Variants in AP3B1 observed in about 807,000 individuals in gnomAD.
AP3B1 encodes the protein adaptor related protein complex 3 subunit beta 1.
In AP3B1, 61 loss-of-function variants were observed where a neutral mutation model predicts 132.5. The observed-to-expected ratio is 0.46, with a 90% CI of 0.37 to 0.57. The LOEUF is 0.57. Among genes scored for constraint, AP3B1 ranks in the 20% least tolerant of loss-of-function variants. The pLI, the probability that AP3B1 is intolerant of heterozygous loss-of-function variation, is 0.00. For missense variants in AP3B1, 1,120 were observed against 1,289.4 expected (o/e 0.87, Z 2.01); for synonymous variants, 388 against 438.3 (o/e 0.89, Z 1.43).
At chr5:78,084,651 T>C (rs952864544) in intron 22 of AP3B1, among the ~76,000 whole-genome samples, 2 of 152,000 alleles carry the variant, frequency 1.3e-5, no homozygotes, top group African/African-American at 4.8e-5. Context: ...ATTTCTATTT[T>C]ACAAGTATTG....
chr5:78,121,520 C>T (rs532843691), intron 17 of AP3B1, among the ~76,000 whole-genome samples: 18 of 152,322 alleles, frequency 1.2e-4, no homozygotes, highest in African/African-American at 4.3e-4. Flanking sequence ...GATATCACCA[C>T]TGATCCCACA....
chr5:78,144,650 C>CA (rs1753307040), intron 14 of AP3B1, among the ~76,000 whole-genome samples: 1 of 152,148 alleles, frequency 6.6e-6, no homozygotes, highest in Non-Finnish European at 1.5e-5. Context: ...GGGTGGGTAA[C>CA]TTGTGAAATG....
chr5:78,011,067 G>A (rs1746603664), intron 26 of AP3B1, among the ~76,000 whole-genome samples: 1 of 128,760 alleles, frequency 7.8e-6, no homozygotes, highest in African/African-American at 3.0e-5. Flanking sequence ...TTTTTGAGAT[G>A]GAGTCTCCCT....
intron 22 of AP3B1, among the ~76,000 whole-genome samples, chr5:78,069,380 G>A (rs1749435431): frequency 6.6e-6 from 1 of 152,182 alleles, no homozygotes; most frequent in Non-Finnish European, 1.5e-5. Flanking sequence ...AGCTTCTTAA[G>A]CTGATAACCA....
At chr5:78,256,950 C>T (rs758303534) in intron 2 of AP3B1, among the ~76,000 whole-genome samples, 1 of 152,156 alleles carries the variant, frequency 6.6e-6, no homozygotes. Flanking sequence ...GCTGAAGAAC[C>T]GTTTGATAAA....
chr5:78,014,769 T>C (rs1746787497), intron 26 of AP3B1, among the ~76,000 whole-genome samples: 1 of 152,196 alleles, frequency 6.6e-6, no homozygotes, highest in Non-Finnish European at 1.5e-5. Flanking sequence ...ATAATTATTT[T>C]TATCTTTACA....
intron 2 of AP3B1, among the ~76,000 whole-genome samples, chr5:78,259,505 A>C (rs540131312): frequency 6.6e-6 from 1 of 152,310 alleles, no homozygotes; most frequent in East Asian, 1.9e-4. Context: ...TACATTTTAA[A>C]ATAACTTAAA....
intron 11 of AP3B1, among the ~76,000 whole-genome samples, chr5:78,170,401 C>T (rs1743861423): frequency 6.6e-6 from 1 of 152,202 alleles, no homozygotes; most frequent in Non-Finnish European, 1.5e-5. Context: ...TATTTCTCCA[C>T]ATCCTCTCCA....
rs780808774 is a variant in AP3B1 at position 78,039,274 on chromosome 5, C to T, written c.2578G>A (p.Val860Ile). 20 of 1,611,698 alleles carry T rather than the reference C, an allele frequency of 1.2e-5. No individual in the cohort carries two copies. Among genetic ancestry groups the T allele is most frequent in the Non-Finnish European group, 1.6e-5 (19 of 1,178,008 alleles). ...HLSTSSSVIS[V>I]STPAFVPTKT... ...GTTGGTACAAATGCAGGAGTACTGA[C>T]CTATTACACACGGCAAAAAGAAAAA... Residue 860 changes from valine (V) to isoleucine (I), a missense_variant and splice_region_variant, in exon 23 of 27, where the codon GTC becomes ATC. This residue lies in a region of AP3B1 where 906 missense variants were observed against 997.1 expected (regional missense o/e 0.91). Transcript: ENST00000255194.
intron 22 of AP3B1, among the ~76,000 whole-genome samples, chr5:78,082,226 C>G (rs1019561912): frequency 1.3e-5 from 2 of 152,200 alleles, no homozygotes; most frequent in Non-Finnish European, 2.9e-5. Context: ...TGGAGCCTCT[C>G]TACCCTGTCA....
In AP3B1 at chr5:78,069,925, G is replaced by A. The variant is rs181305331; in HGVS notation, c.2577+19468C>T. 1.9e-3 allele frequency among the ~76,000 whole-genome samples: 296 copies of A among 152,092 alleles called. 1 individual carries two copies. The highest frequency in any genetic ancestry group is 2.9e-3 in the Non-Finnish European group (198 of 67,968). On this transcript the variant is annotated intron_variant, in intron 22 of 26. Coordinates refer to ENST00000255194, the MANE Select transcript of AP3B1 (RefSeq NM_003664.5). Reference sequence around the variant, plus strand: ...GACACATAGACCAATGGAACAAAATGGAGAACTCAGAAATAAGACCATAAA... The same window carrying A: ...GACACATAGACCAATGGAACAAAATAGAGAACTCAGAAATAAGACCATAAA...
intron 7 of AP3B1, among the ~76,000 whole-genome samples, chr5:78,213,051 T>G (rs1745812310): frequency 6.6e-6 from 1 of 151,920 alleles, no homozygotes; most frequent in Non-Finnish European, 1.5e-5. Context: ...CTAATTTTTT[T>G]TGTATTTTTA....
At chr5:78,242,664 C>T (rs1412091172) in intron 2 of AP3B1, among the ~76,000 whole-genome samples, 1 of 152,166 alleles carries the variant, frequency 6.6e-6, no homozygotes, top group Non-Finnish European at 1.5e-5. Context: ...CCCTCGGCCT[C>T]CCAAACTGCT....
intron 5 of AP3B1, among the ~76,000 whole-genome samples, chr5:78,226,970 G>A (rs1441375679): frequency 6.6e-6 from 1 of 151,882 alleles, no homozygotes; most frequent in Non-Finnish European, 1.5e-5. Context: ...TGGAAGAAAG[G>A]AAAACACATA....
intron 1 of AP3B1, 100 bp downstream of exon 1, chr5:78,294,351 AG>A: frequency 6.3e-7 from 1 of 1,575,584 alleles, no homozygotes; most frequent in Non-Finnish European, 8.7e-7. Context: ...CTCAGACCTC[AG>A]GGCGACCCCG....
chr5:78,245,309 CTATCTTTAACT>C (rs1358833976), intron 2 of AP3B1, among the ~76,000 whole-genome samples: 1 of 152,304 alleles, frequency 6.6e-6, no homozygotes, highest in African/African-American at 2.4e-5. Context: ...CTCAAACAGC[CTATCTTTAACT>C]TATCAGAGAG....
In AP3B1 at chr5:78,002,711, G is replaced by C. The variant is rs6864605; in HGVS notation, c.*191C>G. The stretch of plus-strand genomic sequence containing the variant: ...AAATATATGCTCTTTGGTTAGCAAA[G>C]CAAAAAGGGGGAAAGTATTGCATAC... On this transcript the variant is annotated 3_prime_UTR_variant, in exon 27 of 27. Coordinates refer to ENST00000255194, the MANE Select transcript of AP3B1 (RefSeq NM_003664.5). 23 of 685,706 alleles carry C rather than the reference G, an allele frequency of 3.4e-5. No individual in the cohort carries two copies. In the South Asian group the frequency reaches 4.1e-4, roughly 12 times the overall value. The allele number at this position is 685,706 out of a possible 1,614,324, so 42.5% of individuals were successfully genotyped here. A position where few individuals can be genotyped will look rare whatever the true frequency, so the allele number is the denominator to read the frequency against.
chr5:78,257,112 C>T (rs1046692402), intron 2 of AP3B1, among the ~76,000 whole-genome samples: 14 of 152,162 alleles, frequency 9.2e-5, no homozygotes, highest in Admixed American at 4.6e-4. Flanking sequence ...CTCTGGAACA[C>T]GACAAGGTTG....
intron 21 of AP3B1, among the ~76,000 whole-genome samples, chr5:78,097,023 C>G (rs1750849859): frequency 8.0e-6 from 1 of 125,478 alleles, no homozygotes; most frequent in African/African-American, 3.6e-5. Flanking sequence ...GGGGGGTCAG[C>G]CCCCCGCCCG....
Sources: gnomAD v4.1 joint callset for allele counts (sites outside exome capture counted in the v4.1 genomes callset) on GRCh38, gnomAD v4.1.1 for gene constraint, gnomAD v4.1.1 regional missense constraint, MANE v1.5 for transcripts, NCBI Gene and HGNC (gene_info 2026-07-23, HGNC 2026-07-21) for gene names.